Variants in IFT74 observed in about 807,000 individuals in gnomAD.
IFT74 encodes intraflagellar transport protein 74 homolog.
Under a neutral mutation model 96.7 loss-of-function variants are expected in IFT74, and 92 were observed. The observed-to-expected ratio is 0.95, with a 90% CI of 0.80 to 1.13. The LOEUF is 1.13. Ranked by LOEUF, IFT74 falls within the 50% of genes most tolerant of loss-of-function variation. IFT74 has a pLI of 0.00. For synonymous variants in IFT74, 223 were observed against 213.2 expected (o/e 1.05, Z -0.40); for missense variants, 811 against 698.2 (o/e 1.16, Z -1.82).
At chr9:26,996,630 T>C in intron 8 of IFT74, 2 of 531,264 alleles carry the variant, frequency 3.8e-6, no homozygotes, top group Non-Finnish European at 6.0e-6. Flanking sequence ...CCTGTTGTAT[T>C]TGTCTAGCAA....
At chr9:26,976,901 C>T in intron 2 of IFT74, 1 of 406,884 alleles carries the variant, frequency 2.5e-6, no homozygotes, top group Admixed American at 2.9e-5. Flanking sequence ...AATATGAATG[C>T]TTGTTTAACA....
intron 8 of IFT74, chr9:26,994,567 C>G (rs1359425905): frequency 6.7e-6 from 1 of 149,512 alleles, no homozygotes; most frequent in Non-Finnish European, 1.5e-5. Flanking sequence ...GAAAAAGAAT[C>G]TTGTTTCACC....
rs144049052 is a variant in IFT74 at position 26,950,571 on chromosome 9, C to T, written c.-20+3425C>T. 1.3e-3 allele frequency among the ~76,000 whole-genome samples: 203 copies of T among 152,202 alleles called. 1 individual carries two copies. The highest frequency in any genetic ancestry group is 1.9e-3 in the South Asian group (9 of 4,818). On this transcript the variant is annotated intron_variant, in intron 1 of 19. Coordinates refer to the IFT74 transcript ENST00000433700. Reference sequence around the variant, plus strand: ...AGCAAAAAACAAACTAACAATAAAACGACAACAACAAAAAACTAGTTTAGC... The same window carrying T: ...AGCAAAAAACAAACTAACAATAAAATGACAACAACAAAAAACTAGTTTAGC...
At chr9:26,972,036 A>C (rs1235658554) in intron 2 of IFT74, among the ~76,000 whole-genome samples, 1 of 152,156 alleles carries the variant, frequency 6.6e-6, no homozygotes, top group Admixed American at 6.5e-5. Flanking sequence ...CCCATCTATA[A>C]ATAAGTGTCA....
At chr9:26,958,854 T>C (rs953005317) in intron 1 of IFT74, among the ~76,000 whole-genome samples, 1 of 151,984 alleles carries the variant, frequency 6.6e-6, no homozygotes, top group Admixed American at 6.6e-5. Flanking sequence ...AAGAAAAAGA[T>C]GGTGGATGGT....
chr9:26,992,148 T>A (rs988632118), intron 8 of IFT74, among the ~76,000 whole-genome samples: 3 of 152,250 alleles, frequency 2.0e-5, no homozygotes, highest in African/African-American at 7.2e-5. Context: ...ATATAATACC[T>A]AGGTCAGGTT....
chr9:27,050,367 A>G (rs898900731), intron 16 of IFT74, among the ~76,000 whole-genome samples: 1 of 152,206 alleles, frequency 6.6e-6, no homozygotes, highest in African/African-American at 2.4e-5. Context: ...CCTGGACTAG[A>G]CATACTTAAA....
At chr9:26,962,948 CTTTT>C (rs1288335105) in intron 2 of IFT74, among the ~76,000 whole-genome samples, 1 of 137,980 alleles carries the variant, frequency 7.2e-6, no homozygotes, top group Non-Finnish European at 1.6e-5. Flanking sequence ...TTCTTTTTTT[CTTTT>C]TTTTATTTTT....
intron 1 of IFT74, among the ~76,000 whole-genome samples, chr9:26,958,724 T>G (rs1323921018): frequency 2.0e-5 from 3 of 152,194 alleles, no homozygotes; most frequent in Non-Finnish European, 2.9e-5. Flanking sequence ...GAGATGTTAT[T>G]ATTTGGATAT....
At chr9:26,959,360 C>T (rs1826256125) in intron 1 of IFT74, among the ~76,000 whole-genome samples, 1 of 152,180 alleles carries the variant, frequency 6.6e-6, no homozygotes, top group Non-Finnish European at 1.5e-5. Context: ...CCGCCCGCCT[C>T]GGCCTCCCAA....
At chr9:26,947,233 C>T (rs1190408687) in intron 1 of IFT74, 2 of 614,626 alleles carry the variant, frequency 3.3e-6, no homozygotes, top group Non-Finnish European at 5.4e-6. Flanking sequence ...CCGAGTGACA[C>T]AGCAAGCCTG....
At position 27,064,294 on chromosome 9, in the gene IFT74, C is replaced by A. The variant is rs986693785; in HGVS notation, c.*1558C>A. 6.6e-6 allele frequency among the ~76,000 whole-genome samples: 1 copy of A among 152,028 alleles called. No individual in the cohort carries two copies. The highest frequency in any genetic ancestry group is 1.5e-5 in the Non-Finnish European group (1 of 67,964). On this transcript the variant is annotated 3_prime_UTR_variant, in exon 20 of 20. Transcript: ENST00000380062. ...CCTGAGTATGTCTCTTTTTAGCCAC[C>A]CTCAGCTGTTTTATGCTGTGATTGT...
At chr9:27,040,256 T>A in intron 13 of IFT74, among the ~76,000 whole-genome samples, 1 of 152,128 alleles carries the variant, frequency 6.6e-6, no homozygotes, top group East Asian at 1.9e-4. Flanking sequence ...CCATGCCATA[T>A]AGAAGATATT....
At chr9:27,057,311 G>C (rs1044439824) in intron 18 of IFT74, among the ~76,000 whole-genome samples, 1 of 152,128 alleles carries the variant, frequency 6.6e-6, no homozygotes, top group African/African-American at 2.4e-5. Context: ...TACTTGAACA[G>C]TGTGTGAGGT....
chr9:26,953,910 G>A (rs910534519), upstream of IFT74, among the ~76,000 whole-genome samples: 3 of 152,164 alleles, frequency 2.0e-5, no homozygotes, highest in East Asian at 1.9e-4. Context: ...CTACATAAGC[G>A]TAACTGGCCA....
upstream of IFT74, among the ~76,000 whole-genome samples, chr9:26,951,483 C>T (rs541866072): frequency 6.6e-6 from 1 of 151,918 alleles, no homozygotes; most frequent in East Asian, 1.9e-4. Context: ...TATTAAAATG[C>T]ATTGGAAAAT....
At chr9:27,033,958 G>A (rs1830243167) in intron 13 of IFT74, among the ~76,000 whole-genome samples, 1 of 152,132 alleles carries the variant, frequency 6.6e-6, no homozygotes, top group African/African-American at 2.4e-5. Context: ...ATCACTGACA[G>A]TTCCGAAGTT....
chr9:27,055,581 A>G (rs1480085281), intron 16 of IFT74, 28 bp from the exon 17 acceptor site: 1 of 1,509,562 alleles, frequency 6.6e-7, no homozygotes, highest in Non-Finnish European at 8.9e-7. Flanking sequence ...ATTTTGATTA[A>G]TTATCACCTT....
intron 12 of IFT74, among the ~76,000 whole-genome samples, chr9:27,021,511 T>A (rs556864717): frequency 6.6e-6 from 1 of 152,196 alleles, no homozygotes; most frequent in Non-Finnish European, 1.5e-5. Context: ...AAAAATTTTT[T>A]AATTATGGCC....
Sources: gnomAD v4.1 joint callset for allele counts (sites outside exome capture counted in the v4.1 genomes callset) on GRCh38, gnomAD v4.1.1 for gene constraint, MANE v1.5 for transcripts, NCBI Gene and HGNC (gene_info 2026-07-23, HGNC 2026-07-21) for gene names.